NCKAP5: variants seen among roughly 807,000 people sequenced by gnomAD.
The protein encoded by NCKAP5 is NCK associated protein 5.
Under a neutral mutation model 167.0 loss-of-function variants are expected in NCKAP5, and 92 were observed. That is an observed-to-expected ratio of 0.55 (90% confidence interval 0.47 to 0.66). The LOEUF is 0.66. Among genes scored for constraint, NCKAP5 ranks in the 30% least tolerant of loss-of-function variants. NCKAP5 has a pLI of 0.00. For missense variants in NCKAP5, 2,378 were observed against 2,315.0 expected, an observed-to-expected ratio of 1.03 and a Z score of -0.56; for synonymous variants, 891 against 877.4, an observed-to-expected ratio of 1.02 and a Z score of -0.27.
intron 3 of NCKAP5, among the ~76,000 whole-genome samples, chr2:133,396,768 A>C (rs1687755623): frequency 6.6e-6 from 1 of 152,202 alleles, no homozygotes; most frequent in East Asian, 1.9e-4. Context: ...ATTTTAACAC[A>C]TAAATTTTTG....
chr2:132,945,554 C>T (rs1272971841), intron 8 of NCKAP5, among the ~76,000 whole-genome samples: 1 of 152,056 alleles, frequency 6.6e-6, no homozygotes, highest in East Asian at 1.9e-4. Context: ...CGTGATAAGA[C>T]ACTAAGAGCC....
chr2:132,886,257 T>C (rs1229312569), intron 8 of NCKAP5, among the ~76,000 whole-genome samples: 1 of 152,210 alleles, frequency 6.6e-6, no homozygotes, highest in Non-Finnish European at 1.5e-5. Context: ...AGGTTAACTA[T>C]TTTACCACAT....
chr2:133,162,374 A>G (rs1335177785), intron 5 of NCKAP5, among the ~76,000 whole-genome samples: 1 of 152,266 alleles, frequency 6.6e-6, no homozygotes, highest in Non-Finnish European at 1.5e-5. Flanking sequence ...GTACTGTACC[A>G]ACATTTACAA....
the NCKAP5 span, among the ~76,000 whole-genome samples, chr2:133,588,000 A>G: frequency 5.3e-5 from 8 of 152,194 alleles, no homozygotes; most frequent in Admixed American, 6.5e-5. Context: ...ATTTTGTTAA[A>G]GAAAATAGAA....
At chr2:133,610,029 T>C in the NCKAP5 span, among the ~76,000 whole-genome samples, 1 of 152,204 alleles carries the variant, frequency 6.6e-6, no homozygotes, top group African/African-American at 2.4e-5. Flanking sequence ...AGGAGGCAAA[T>C]GATCCTAAGA....
At chr2:132,835,897 C>T (rs913335131) in intron 11 of NCKAP5, among the ~76,000 whole-genome samples, 1 of 152,252 alleles carries the variant, frequency 6.6e-6, no homozygotes, top group Non-Finnish European at 1.5e-5. Context: ...ATACTTGGCT[C>T]CAACTTTTGA....
intron 16 of NCKAP5, among the ~76,000 whole-genome samples, chr2:132,737,320 T>C (rs1691619958): frequency 6.6e-6 from 1 of 152,176 alleles, no homozygotes; most frequent in African/African-American, 2.4e-5. Flanking sequence ...ATGTTTGGTA[T>C]GCAAGGAGGA....
At chr2:133,070,190 T>C (rs1011277695) in intron 6 of NCKAP5, among the ~76,000 whole-genome samples, 1 of 152,178 alleles carries the variant, frequency 6.6e-6, no homozygotes, top group Non-Finnish European at 1.5e-5. Context: ...TATGGGAACA[T>C]TGTCTCCTTA....
chr2:132,813,300 T>C (rs1686023324), intron 11 of NCKAP5, among the ~76,000 whole-genome samples: 1 of 152,204 alleles, frequency 6.6e-6, no homozygotes, highest in African/African-American at 2.4e-5. Context: ...ATACATGCTT[T>C]CCTCTACTCC....
intron 3 of NCKAP5, among the ~76,000 whole-genome samples, chr2:133,432,483 G>A (rs1690224017): frequency 6.6e-6 from 1 of 152,098 alleles, no homozygotes; most frequent in African/African-American, 2.4e-5. Context: ...GCCTGTTGTT[G>A]CTATTAAGCC....
At chr2:132,817,116 T>C in intron 11 of NCKAP5, among the ~76,000 whole-genome samples, 1 of 152,218 alleles carries the variant, frequency 6.6e-6, no homozygotes, top group Non-Finnish European at 1.5e-5. Flanking sequence ...CTATGCCACA[T>C]GGCACCAAAG....
At chr2:133,604,331 G>A in the NCKAP5 span, among the ~76,000 whole-genome samples, 31,771 of 151,824 alleles carry the variant, frequency 0.21, 3,944 homozygotes, top group Non-Finnish European at 0.28. Context: ...TCAGCCCCTC[G>A]AGTAGCTGGG....
Position 132,782,909 on chromosome 2 carries a change from A to T in NCKAP5, c.3902T>A (p.Ile1301Asn), listed in dbSNP as rs1329066284. 1 of 1,613,802 alleles carries T rather than the reference A, an allele frequency of 6.2e-7. No individual in the cohort carries two copies. Among genetic ancestry groups the T allele is most frequent in the African/African-American group, 1.3e-5 (1 of 74,910 alleles). ...IEGSGKVRTQIITNTAERGNS... is the reference protein window; with the variant it reads ...IEGSGKVRTQNITNTAERGNS... ...GCCTCTCTCGGCGGTATTGGTAATG[A>T]TCTGAGTGCGGACTTTGCCTGACCC... The change falls in exon 14 of 20, where the codon ATC (isoleucine) becomes AAC (asparagine). Residue 1301 changes from isoleucine to asparagine, a missense_variant. Ile to Asn is a moderately radical substitution (Grantham distance 149, BLOSUM62 -3). This residue lies in a region of NCKAP5 where 1,325 missense variants were observed against 1,274.5 expected (regional missense o/e 1.04). Transcript: ENST00000409261.
chr2:133,548,724 G>C (rs1393104330), intron 2 of NCKAP5, among the ~76,000 whole-genome samples: 1 of 152,004 alleles, frequency 6.6e-6, no homozygotes, highest in Non-Finnish European at 1.5e-5. Context: ...AGCTCCTGAA[G>C]GAAGCGCTAA....
At chr2:133,476,738 G>A (rs981086030) in intron 3 of NCKAP5, among the ~76,000 whole-genome samples, 4 of 152,066 alleles carry the variant, frequency 2.6e-5, no homozygotes, top group African/African-American at 4.8e-5. Context: ...CCCCTTTCTC[G>A]TGGAATAGGC....
rs988516306 is a variant in NCKAP5 at position 132,784,017 on chromosome 2, G to A, written c.2794C>T (p.Pro932Ser). The A allele has an allele frequency of 3.2e-6, 5 of 1,567,250 alleles. No homozygotes were observed. Among genetic ancestry groups the A allele is most frequent in the Admixed American group, 2.0e-5 (1 of 50,576 alleles). ...AGVKSPSPPPPPGRSVSLLAR... is the reference protein window; with the variant it reads ...AGVKSPSPPPSPGRSVSLLAR... ...AGCAGGGAGACGGACCTGCCTGGAG[G>A]GGGCGGAGGGGAAGGGGATTTCACC... is the stretch of plus-strand genomic sequence containing the variant. Residue 932 changes from proline (P) to serine (S), a missense_variant, in exon 14 of 20, where the codon CCT becomes TCT. Transcript: ENST00000409261.
chr2:133,387,088 A>T (rs1292304388), intron 3 of NCKAP5, among the ~76,000 whole-genome samples: 1 of 152,152 alleles, frequency 6.6e-6, no homozygotes, highest in Non-Finnish European at 1.5e-5. Context: ...TCCTGTCATT[A>T]TGATGTTAGC....
At chr2:133,498,468 AAGGAAGGAAGGAAGGCAGGC>A (rs1241291818) in intron 3 of NCKAP5, among the ~76,000 whole-genome samples, 11 of 136,470 alleles carry the variant, frequency 8.1e-5, no homozygotes, top group African/African-American at 3.2e-4. Context: ...GGAAGGAAGG[AAGGAAGGAAGGAAGGCAGGC>A]AGGCAGGCAG....
intron 3 of NCKAP5, among the ~76,000 whole-genome samples, chr2:133,326,458 C>CA (rs34750625): frequency 0.074 from 3,652 of 49,042 alleles, 122 homozygotes; most frequent in African/African-American, 0.15. Flanking sequence ...TCAGTCTCAA[C>CA]AAAAAAAAAA....
Sources: allele counts gnomAD v4.1 joint callset (sites outside exome capture counted in the v4.1 genomes callset), GRCh38; gene constraint gnomAD v4.1.1; regional missense constraint gnomAD v4.1.1; transcripts MANE v1.5; gene names NCBI Gene and HGNC (gene_info 2026-07-23, HGNC 2026-07-21).